The following LAX1 variants were observed in gnomAD, a reference collection of about 807,000 sequenced individuals.
The protein encoded by LAX1 is lymphocyte transmembrane adapter 1.
Under a neutral mutation model 20.7 loss-of-function variants are expected in LAX1, and 17 were observed. The observed-to-expected ratio is 0.82, with a 90% CI of 0.56 to 1.23. The LOEUF is 1.23. Ranked by LOEUF, LAX1 falls within the 50% of genes most tolerant of loss-of-function variation. The pLI, the probability that LAX1 is intolerant of heterozygous loss-of-function variation, is 0.00. For synonymous variants in LAX1, 165 were observed against 181.0 expected (o/e 0.91, Z 0.71); for missense variants, 470 against 487.0 (o/e 0.97, Z 0.33).
At chr1:203,767,951 C>G (rs1354041576) in intron 1 of LAX1, among the ~76,000 whole-genome samples, 3 of 148,082 alleles carry the variant, frequency 2.0e-5, no homozygotes, top group Non-Finnish European at 4.4e-5. Context: ...ACATGGAGAC[C>G]CTGTCTCAAA....
Position 203,773,883 on chromosome 1 carries a change from A to T in LAX1, c.399A>T (p.Gln133His). The T allele has an allele frequency of 1.2e-6, 2 of 1,605,940 alleles. No individual in the cohort carries two copies. The highest frequency in any genetic ancestry group is 1.7e-6 in the Non-Finnish European group (2 of 1,176,250). Residue 133 changes from glutamine to histidine, a missense_variant, in exon 5 of 5, where the codon CAA becomes CAT. By Grantham distance (24) the Gln-to-His change is conservative (BLOSUM62 0). Coordinates refer to ENST00000442561, the MANE Select transcript of LAX1 (RefSeq NM_017773.4). ...NSESPEHVPS[Q>H]AGNAFQEHTA... The stretch of plus-strand genomic sequence containing the variant: ...CCTTTTCTTCTTCATAGCCCTCCCA[A>T]GCAGGCAATGCCTTCCAGGAGCATA...
rs551629934 is a variant in LAX1 at position 203,771,333 on chromosome 1, C to T, written c.200-34C>T. On this transcript the variant is annotated intron_variant, in intron 2 of 4. Coordinates refer to ENST00000442561, the MANE Select transcript of LAX1 (RefSeq NM_017773.4). Reference sequence around the variant, plus strand: ...CTCTTCACTCTGTGCAGCTGACCCCCGCCATGACTCCCATCTCTCTCATTG... The same window carrying T: ...CTCTTCACTCTGTGCAGCTGACCCCTGCCATGACTCCCATCTCTCTCATTG... 116 of 1,313,486 alleles carry T rather than the reference C, an allele frequency of 8.8e-5. No individual in the cohort carries two copies. In the South Asian group the frequency reaches 1.1e-3, roughly 12 times the overall value. 81.4% of individuals were successfully genotyped at this position (1,313,486 alleles called of 1,614,324 possible). A position where few individuals can be genotyped will look rare whatever the true frequency, so the allele number is the denominator to read the frequency against.
intron 1 of LAX1, among the ~76,000 whole-genome samples, chr1:203,768,048 C>T (rs375988429): frequency 6.6e-6 from 1 of 151,980 alleles, no homozygotes; most frequent in Admixed American, 6.6e-5. Flanking sequence ...AGGTGGCTCA[C>T]GCCTGTAATC....
At chr1:203,772,726 T>C (rs1667442381) in intron 4 of LAX1, among the ~76,000 whole-genome samples, 1 of 37,550 alleles carries the variant, frequency 2.7e-5, no homozygotes, top group Admixed American at 2.7e-4. Context: ...GTGCCCAGCA[T>C]TTTTTTTTTT....
chr1:203,769,406 A>G (rs796882698), intron 1 of LAX1, among the ~76,000 whole-genome samples: 1 of 78,488 alleles, frequency 1.3e-5, no homozygotes, highest in Non-Finnish European at 3.2e-5. Flanking sequence ...AAAAAGAAAG[A>G]AAGAAAGAAA....
chr1:203,768,683 G>A (rs1667343806), intron 1 of LAX1, among the ~76,000 whole-genome samples: 2 of 152,218 alleles, frequency 1.3e-5, no homozygotes, highest in South Asian at 4.1e-4. Flanking sequence ...AAGCCGGGGA[G>A]AGTGATGAGT....
At position 203,765,506 on chromosome 1, in the gene LAX1, T is replaced by C; in HGVS notation, c.-60T>C. The C allele has an allele frequency of 1.9e-6, 3 of 1,607,740 alleles. No individual in the cohort carries two copies. The highest frequency in any genetic ancestry group is 2.7e-5 in the African/African-American group (2 of 74,910). ...AGTGGTAGACATGCTGGCTAACTGATTATGATTAAGAGAAACTTAGAAGCT... is the reference window on the plus strand; with the variant it reads ...AGTGGTAGACATGCTGGCTAACTGACTATGATTAAGAGAAACTTAGAAGCT... On this transcript the variant is annotated 5_prime_UTR_variant, in exon 1 of 5. Coordinates refer to ENST00000442561, the MANE Select transcript of LAX1 (RefSeq NM_017773.4).
At position 203,765,410 on chromosome 1, in the gene LAX1, T is replaced by C; in HGVS notation, c.-156T>C. 3 of 1,552,094 alleles carry C rather than the reference T, an allele frequency of 1.9e-6. No individual in the cohort carries two copies. Among genetic ancestry groups the C allele is most frequent in the Non-Finnish European group, 2.6e-6 (3 of 1,147,118 alleles). ...TAGAACCAAACCTGTTGCTTTTGTATGTTGGGTCAACTTGGCCTGACGTTT... is the reference window on the plus strand; with the variant it reads ...TAGAACCAAACCTGTTGCTTTTGTACGTTGGGTCAACTTGGCCTGACGTTT... On this transcript the variant is annotated 5_prime_UTR_variant, in exon 1 of 5. An upstream start codon of the reference 5' UTR is lost. Coordinates refer to ENST00000442561, the MANE Select transcript of LAX1 (RefSeq NM_017773.4).
rs200238315 is a variant in LAX1 at position 203,773,886 on chromosome 1, A to C, written c.402A>C (p.Ala134=). ...SESPEHVPSQ[A]GNAFQEHTAH... ...TTTCTTCTTCATAGCCCTCCCAAGC[A>C]GGCAATGCCTTCCAGGAGCATACAG... is the stretch of plus-strand genomic sequence containing the variant. The change falls in exon 5 of 5, where the codon GCA becomes GCC. Residue 134 remains alanine, a synonymous_variant. Coordinates refer to ENST00000442561, the MANE Select transcript of LAX1 (RefSeq NM_017773.4). 1 of 1,607,232 alleles carries C rather than the reference A, an allele frequency of 6.2e-7. No individual in the cohort carries two copies. The highest frequency in any genetic ancestry group is 8.5e-7 in the Non-Finnish European group (1 of 1,177,040).
At chr1:203,772,490 C>T (rs769159444) in intron 4 of LAX1, among the ~76,000 whole-genome samples, 1 of 151,992 alleles carries the variant, frequency 6.6e-6, no homozygotes, top group Non-Finnish European at 1.5e-5. Context: ...TGCAGTGGTG[C>T]GATCTCGGCT....
At chr1:203,772,451 G>A (rs1667438069) in intron 4 of LAX1, among the ~76,000 whole-genome samples, 1 of 151,958 alleles carries the variant, frequency 6.6e-6, no homozygotes, top group South Asian at 2.1e-4. Flanking sequence ...TTTTTGAGAT[G>A]GAGTCTTGTT....
Position 203,774,265 on chromosome 1 carries a change from T to G in LAX1, c.781T>G (p.Ser261Ala). Residue 261 changes from serine (S) to alanine (A), a missense_variant, in exon 5 of 5, where the codon TCT becomes GCT. Ser to Ala is a moderately conservative substitution (Grantham distance 99). Transcript: ENST00000442561. Reference protein sequence around the residue: ...DSDSLSNGEGSSQISNDYVNM... With the variant: ...DSDSLSNGEGASQISNDYVNM... Reference sequence around the variant, plus strand: ...TGATTCACTCAGCAATGGAGAAGGTTCTTCTCAGATCTCAAATGACTATGT... The same window carrying G: ...TGATTCACTCAGCAATGGAGAAGGTGCTTCTCAGATCTCAAATGACTATGT... 1.9e-6 allele frequency: 3 copies of G among 1,614,190 alleles called. No individual in the cohort carries two copies. Among genetic ancestry groups the G allele is most frequent in the Non-Finnish European group, 2.5e-6 (3 of 1,180,040 alleles).
Position 203,775,957 on chromosome 1 carries a change from G to C in LAX1, c.*1276G>C, listed in dbSNP as rs1341813179. 1 of 152,192 alleles carries C rather than the reference G, an allele frequency of 6.6e-6. No individual in the cohort carries two copies. The highest frequency in any genetic ancestry group is 2.1e-4 in the South Asian group (1 of 4,836). The allele number at this position is 152,192 out of a possible 1,614,324, so 9.4% of individuals were successfully genotyped here. On this transcript the variant is annotated 3_prime_UTR_variant, in exon 5 of 5. Transcript: ENST00000442561. ...TACAAAGGGGCTGCAAAGGGAATAG[G>C]CTGATGGAGCTGTTCTGTATGGTAC...
At chr1:203,768,327 T>A (rs1667338681) in intron 1 of LAX1, among the ~76,000 whole-genome samples, 2 of 151,894 alleles carry the variant, frequency 1.3e-5, no homozygotes, top group African/African-American at 2.4e-5. Flanking sequence ...AAAAGATATA[T>A]CAATCAGTCA....
rs1667487465 is a variant in LAX1 at position 203,774,968 on chromosome 1, G to A, written c.*287G>A. The A allele has an allele frequency of 1.4e-5, 6 of 429,184 alleles. No individual in the cohort carries two copies. Among genetic ancestry groups the A allele is most frequent in the Middle Eastern group, 1.3e-3 (2 of 1,588 alleles). 26.6% of individuals were successfully genotyped at this position (429,184 alleles called of 1,614,324 possible). Reference sequence around the variant, plus strand: ...ACTGTGAAGAAAGCAGGAAAGTAGTGCACAGTAGTCTAAGATTATTACCTT... The same window carrying A: ...ACTGTGAAGAAAGCAGGAAAGTAGTACACAGTAGTCTAAGATTATTACCTT... On this transcript the variant is annotated 3_prime_UTR_variant, in exon 5 of 5. Coordinates refer to ENST00000442561, the MANE Select transcript of LAX1 (RefSeq NM_017773.4).
In LAX1 at chr1:203,765,355, T is replaced by G. The variant is rs776753032; in HGVS notation, c.-211T>G. 1.3e-6 allele frequency: 2 copies of G among 1,551,756 alleles called. No homozygotes were observed. The highest frequency in any genetic ancestry group is 1.7e-6 in the Non-Finnish European group (2 of 1,147,002). On this transcript the variant is annotated 5_prime_UTR_variant, in exon 1 of 5. Coordinates refer to ENST00000442561, the MANE Select transcript of LAX1 (RefSeq NM_017773.4). ...GCACCATGTCCGGATGAGATCGCACTTCCTGCAGTGGGCATTAGCCACGTC... is the reference window on the plus strand; with the variant it reads ...GCACCATGTCCGGATGAGATCGCACGTCCTGCAGTGGGCATTAGCCACGTC...
intron 1 of LAX1, among the ~76,000 whole-genome samples, chr1:203,768,120 G>A (rs1667334758): frequency 6.6e-6 from 1 of 152,168 alleles, no homozygotes; most frequent in Non-Finnish European, 1.5e-5. Context: ...AGACCAGCCT[G>A]ACGAATATGA....
chr1:203,770,427 GAAAGAA>G (rs1373555343), intron 1 of LAX1, among the ~76,000 whole-genome samples: 14 of 20,988 alleles, frequency 6.7e-4, no homozygotes, highest in Non-Finnish European at 6.4e-3. Context: ...AAGAAAGAAA[GAAAGAA>G]AGAGAGAGAG....
Position 203,774,327 on chromosome 1 carries a change from A to G in LAX1, c.843A>G (p.Glu281=), listed in dbSNP as rs1667473688. 2 of 1,614,054 alleles carry G rather than the reference A, an allele frequency of 1.2e-6. No homozygotes were observed. The highest frequency in any genetic ancestry group is 1.7e-5 in the Admixed American group (1 of 59,996). ...GGTTGGATCTCAGTGCCATCCAGGA[A>G]AGGCAGCTCTGGGTGGCTTTTCAGT... The part of the protein sequence containing the change: ...MTGLDLSAIQ[E]RQLWVAFQCC... Residue 281 remains glutamate (E), a synonymous_variant, in exon 5 of 5, where the codon GAA becomes GAG. Transcript: ENST00000442561.
Sources: allele counts gnomAD v4.1 joint callset (sites outside exome capture counted in the v4.1 genomes callset), GRCh38; gene constraint gnomAD v4.1.1; transcripts MANE v1.5; gene names NCBI Gene and HGNC (gene_info 2026-07-23, HGNC 2026-07-21).